Variants in PTPRD observed in about 807,000 individuals in gnomAD.
PTPRD encodes protein tyrosine phosphatase receptor type D.
PTPRD carries 34 observed loss-of-function variants against 214.5 expected under a neutral mutation model. The observed-to-expected ratio is 0.16, with a 90% CI of 0.12 to 0.21. The LOEUF (loss-of-function observed/expected upper bound fraction) is 0.21. PTPRD is among the 10% of genes least tolerant of loss of function. The pLI is 1.00. For missense variants in PTPRD, 2,545 were observed against 2,398.7 expected (o/e 1.06, Z -1.27); for synonymous variants, 1,128 against 845.7 (o/e 1.33, Z -5.79).
At chr9:8,347,833 C>G (rs2074302536) in intron 39 of PTPRD, among the ~76,000 whole-genome samples, 1 of 152,088 alleles carries the variant, frequency 6.6e-6, no homozygotes, top group African/African-American at 2.4e-5. Flanking sequence ...ATCTAAAAGC[C>G]AGGAAGAGAG....
Position 8,528,770 on chromosome 9 carries a change from A to C in PTPRD, c.362T>G (p.Ile121Ser). Residue 121 changes from isoleucine to serine, a missense_variant, in exon 15 of 46, where the codon ATT becomes AGT. Physicochemically the swap from Ile to Ser is moderately radical, Grantham distance 142. Coordinates refer to ENST00000381196, the MANE Select transcript of PTPRD (RefSeq NM_002839.4). ...TRLTVLREDQ[I>S]PRGFPTIDMG... ...GTCAATGGTAGGGAAGCCCCTGGGA[A>C]TTTGATCTTCTGCAAGACAAAAGGT... 6.2e-7 allele frequency: 1 copy of C among 1,613,242 alleles called. No individual in the cohort carries two copies. Among genetic ancestry groups the C allele is most frequent in the East Asian group, 2.2e-5 (1 of 44,820 alleles).
intron 11 of PTPRD, among the ~76,000 whole-genome samples, chr9:8,752,635 C>G (rs769106728): frequency 6.6e-6 from 1 of 152,104 alleles, no homozygotes; most frequent in Non-Finnish European, 1.5e-5. Flanking sequence ...CCTGTAACAC[C>G]ACCACCACAC....
intron 44 of PTPRD, among the ~76,000 whole-genome samples, chr9:8,330,864 G>T (rs74596164): frequency 0.018 from 2,727 of 152,166 alleles, 82 homozygotes; most frequent in African/African-American, 0.061. Context: ...ACCATAAAAA[G>T]ATTAGATGTC....
intron 30 of PTPRD, among the ~76,000 whole-genome samples, chr9:8,471,313 T>A (rs1008055992): frequency 6.6e-6 from 1 of 152,134 alleles, no homozygotes; most frequent in Non-Finnish European, 1.5e-5. Context: ...AATATCATCA[T>A]GGTGGACTGC....
At chr9:9,436,390 A>C (rs1370945499) in intron 8 of PTPRD, among the ~76,000 whole-genome samples, 15 of 152,140 alleles carry the variant, frequency 9.9e-5, no homozygotes, top group Non-Finnish European at 2.1e-4. Context: ...AGGGGAAAAG[A>C]CTAAGACACT....
At chr9:10,325,651 T>C (rs2096630265) in intron 3 of PTPRD, among the ~76,000 whole-genome samples, 1 of 151,960 alleles carries the variant, frequency 6.6e-6, no homozygotes, top group East Asian at 1.9e-4. Flanking sequence ...AAATGTTTAA[T>C]TGTTTGAACA....
At chr9:10,309,075 G>A (rs910378753) in intron 3 of PTPRD, among the ~76,000 whole-genome samples, 1 of 151,902 alleles carries the variant, frequency 6.6e-6, no homozygotes, top group Admixed American at 6.6e-5. Flanking sequence ...CTCCTATCAA[G>A]AGTATATATG....
chr9:8,718,010 TAGTG>T (rs1041860363), intron 12 of PTPRD, among the ~76,000 whole-genome samples: 3 of 152,080 alleles, frequency 2.0e-5, no homozygotes, highest in African/African-American at 7.3e-5. Context: ...GCCTGCAACA[TAGTG>T]AGCACTAAAT....
chr9:9,485,354 G>A (rs1325289244), intron 8 of PTPRD, among the ~76,000 whole-genome samples: 1 of 152,034 alleles, frequency 6.6e-6, no homozygotes, highest in Non-Finnish European at 1.5e-5. Flanking sequence ...TAGAAGAAAC[G>A]TTTTGGAATA....
At chr9:10,519,801 C>G (rs764884023) in intron 2 of PTPRD, among the ~76,000 whole-genome samples, 1 of 151,886 alleles carries the variant, frequency 6.6e-6, no homozygotes, top group Non-Finnish European at 1.5e-5. Context: ...GTCATTGTTT[C>G]GGGGACTCAT....
chr9:8,355,895 G>T (rs1277526196), intron 39 of PTPRD, among the ~76,000 whole-genome samples: 1 of 151,992 alleles, frequency 6.6e-6, no homozygotes, highest in African/African-American at 2.4e-5. Flanking sequence ...GAGGATACAG[G>T]CACATTGCTA....
chr9:9,255,693 T>G (rs2099977421), intron 9 of PTPRD, among the ~76,000 whole-genome samples: 1 of 152,022 alleles, frequency 6.6e-6, no homozygotes, highest in South Asian at 2.1e-4. Flanking sequence ...GCAAAAAAGT[T>G]TTACAACCTT....
intron 30 of PTPRD, 75 bp from the exon 31 acceptor site, chr9:8,471,160 C>A (rs2096645625): frequency 6.2e-6 from 8 of 1,289,866 alleles, no homozygotes; most frequent in Non-Finnish European, 9.0e-6. Flanking sequence ...AAACCTTCCA[C>A]AGACCAATGA....
chr9:9,388,226 G>A (rs1372320157), intron 9 of PTPRD, among the ~76,000 whole-genome samples: 2 of 152,062 alleles, frequency 1.3e-5, no homozygotes, highest in East Asian at 3.9e-4. Flanking sequence ...AGGGTCTTGG[G>A]TTTTTATAGG....
chr9:8,751,115 T>C (rs2093476870), intron 11 of PTPRD, among the ~76,000 whole-genome samples: 1 of 152,164 alleles, frequency 6.6e-6, no homozygotes, highest in Admixed American at 6.5e-5. Context: ...TCAGAAATAA[T>C]GTGTCGCTTT....
chr9:9,656,308 C>T (rs1319752569), intron 7 of PTPRD, among the ~76,000 whole-genome samples: 1 of 152,150 alleles, frequency 6.6e-6, no homozygotes, highest in Non-Finnish European at 1.5e-5. Flanking sequence ...TAAAATCCTA[C>T]ACAGATGCTT....
chr9:9,315,335 ATG>A (rs1349347124), intron 9 of PTPRD, among the ~76,000 whole-genome samples: 1 of 152,006 alleles, frequency 6.6e-6, no homozygotes, highest in Non-Finnish European at 1.5e-5. Flanking sequence ...GATTTTCTGT[ATG>A]TGTGTATGTA....
chr9:10,588,167 T>A (rs2074411464), intron 2 of PTPRD, among the ~76,000 whole-genome samples: 1 of 152,056 alleles, frequency 6.6e-6, no homozygotes, highest in Admixed American at 6.6e-5. Flanking sequence ...TTATGCCCAA[T>A]GCTGTACATA....
intron 9 of PTPRD, among the ~76,000 whole-genome samples, chr9:9,294,315 G>A (rs908818574): frequency 3.3e-5 from 5 of 151,648 alleles, no homozygotes. Context: ...ACTAACCTGT[G>A]TATATACACA....
Sources: allele counts gnomAD v4.1 joint callset (sites outside exome capture counted in the v4.1 genomes callset), GRCh38; gene constraint gnomAD v4.1.1; transcripts MANE v1.5; gene names NCBI Gene and HGNC (gene_info 2026-07-23, HGNC 2026-07-21).